The following OTUD7A variants were observed in gnomAD, a reference collection of about 807,000 sequenced individuals.
OTUD7A encodes the protein OTU deubiquitinase 7A.
OTUD7A carries 12 observed loss-of-function variants against 65.7 expected under a neutral mutation model. The observed-to-expected ratio is 0.18, with a 90% CI of 0.12 to 0.30. The LOEUF (loss-of-function observed/expected upper bound fraction) is 0.30. Among genes scored for constraint, OTUD7A ranks in the 10% least tolerant of loss-of-function variants. The pLI is 1.00. For synonymous variants in OTUD7A, 641 were observed against 586.3 expected (o/e 1.09, Z -1.35); for missense variants, 1,148 against 1,304.8 (o/e 0.88, Z 1.85).
intron 1 of OTUD7A, among the ~76,000 whole-genome samples, chr15:31,772,621 T>C (rs1046516700): frequency 3.9e-5 from 6 of 152,214 alleles, no homozygotes; most frequent in African/African-American, 7.2e-5. Flanking sequence ...AGCCATACAC[T>C]AGGACATTTG....
In OTUD7A at chr15:31,484,430, C is replaced by A. The variant is rs139698222; in HGVS notation, c.1666G>T (p.Ala556Ser). 1.2e-6 allele frequency: 2 copies of A among 1,602,910 alleles called. No individual in the cohort carries two copies. Among genetic ancestry groups the A allele is most frequent in the African/African-American group, 2.7e-5 (2 of 75,028 alleles). Residue 556 changes from alanine to serine, a missense_variant, in exon 13 of 13, where the codon GCC (alanine) becomes TCC (serine). By Grantham distance (99) the Ala-to-Ser change is moderately conservative. This residue lies in a region of OTUD7A where 842 missense variants were observed against 769.5 expected (regional missense o/e 1.09). Coordinates refer to ENST00000307050, the MANE Select transcript of OTUD7A (RefSeq NM_001382637.1). This position sits in a 1 kb window ranked among gnomAD's most constrained non-coding sequence, Gnocchi z 4.5. ...VHGKMGRANS[A>S]NGKNGDSAER... The stretch of plus-strand genomic sequence containing the variant: ...GCCGAGTCCCCGTTCTTGCCATTGG[C>A]GGAGTTGGCGCGGCCCATCTTGCCG...
chr15:31,593,844 C>T (rs1889826269), intron 3 of OTUD7A, among the ~76,000 whole-genome samples: 1 of 152,184 alleles, frequency 6.6e-6, no homozygotes, highest in Admixed American at 6.5e-5. Context: ...TGCCATTCCC[C>T]CGATGTGTAA....
chr15:31,530,602 A>C, intron 6 of OTUD7A, 105 bp downstream of exon 6: 1 of 1,033,274 alleles, frequency 9.7e-7, no homozygotes, highest in Non-Finnish European at 1.4e-6. Context: ...GGGTGACTCT[A>C]TTTAGTGTAT....
intron 1 of OTUD7A, among the ~76,000 whole-genome samples, chr15:31,845,048 T>C (rs1897266281): frequency 6.6e-6 from 1 of 152,194 alleles, no homozygotes; most frequent in African/African-American, 2.4e-5. Flanking sequence ...TCACAGTCGA[T>C]AGGAGGCACC....
intron 1 of OTUD7A, among the ~76,000 whole-genome samples, chr15:31,697,509 T>A (rs1480267790): frequency 2.8e-5 from 4 of 142,020 alleles, no homozygotes; most frequent in African/African-American, 1.0e-4. Context: ...ATCTGTGGTT[T>A]TAGGCTCAGG....
chr15:31,627,254 C>A (rs1890989337), intron 3 of OTUD7A, among the ~76,000 whole-genome samples: 1 of 121,600 alleles, frequency 8.2e-6, no homozygotes, highest in Non-Finnish European at 1.7e-5. Context: ...CCCCACCCCA[C>A]AACAGTCCCC....
At chr15:31,760,758 C>T (rs539244942) in intron 1 of OTUD7A, among the ~76,000 whole-genome samples, 93 of 152,028 alleles carry the variant, frequency 6.1e-4, no homozygotes, top group African/African-American at 2.2e-3. Flanking sequence ...AGGATAATCT[C>T]GAAAAACAAA....
chr15:31,776,984 A>G (rs1190354843), intron 1 of OTUD7A, among the ~76,000 whole-genome samples: 1 of 152,194 alleles, frequency 6.6e-6, no homozygotes, highest in African/African-American at 2.4e-5. Context: ...TAACTCTAAA[A>G]AAAAAAAATG....
chr15:31,768,816 T>C (rs1166078602), intron 1 of OTUD7A, among the ~76,000 whole-genome samples: 1 of 152,152 alleles, frequency 6.6e-6, no homozygotes, highest in Non-Finnish European at 1.5e-5. Flanking sequence ...CTACACAGAC[T>C]GTGAAAAAAT....
intron 4 of OTUD7A, among the ~76,000 whole-genome samples, chr15:31,568,017 T>C (rs1595617265): frequency 6.6e-6 from 1 of 152,242 alleles, no homozygotes; most frequent in East Asian, 1.9e-4. Flanking sequence ...ACACACAACG[T>C]CTACTAGGGC....
At chr15:31,600,685 G>A (rs1890046713) in intron 3 of OTUD7A, among the ~76,000 whole-genome samples, 1 of 152,102 alleles carries the variant, frequency 6.6e-6, no homozygotes, top group Non-Finnish European at 1.5e-5. Context: ...AAAGAGTCAA[G>A]ACCCATCAGT....
chr15:31,795,785 G>C (rs1477068532), intron 1 of OTUD7A, among the ~76,000 whole-genome samples: 1 of 152,224 alleles, frequency 6.6e-6, no homozygotes, highest in Non-Finnish European at 1.5e-5. Context: ...CTGGAAGCAT[G>C]CTTGGGCCTT....
At chr15:31,729,354 GTAA>G (rs1357213474) in intron 1 of OTUD7A, among the ~76,000 whole-genome samples, 2 of 152,330 alleles carry the variant, frequency 1.3e-5, no homozygotes, top group Non-Finnish European at 2.9e-5. Flanking sequence ...GTCCTGGTCT[GTAA>G]TAATAACTCT....
intron 3 of OTUD7A, among the ~76,000 whole-genome samples, chr15:31,638,942 G>A (rs1413331499): frequency 3.9e-5 from 6 of 152,046 alleles, no homozygotes; most frequent in Non-Finnish European, 7.4e-5. Context: ...AGACCATCCC[G>A]GCTAACACGG....
At chr15:31,568,557 G>A (rs1888948798) in intron 4 of OTUD7A, among the ~76,000 whole-genome samples, 3 of 152,250 alleles carry the variant, frequency 2.0e-5, no homozygotes, top group Admixed American at 2.0e-4. Flanking sequence ...GGGAAGGCAT[G>A]ATTGTATTTT....
In OTUD7A at chr15:31,484,186, T is replaced by A. The variant is rs2041194323; in HGVS notation, c.1910A>T (p.Gln637Leu). ...GGCGAAGATGAACTTGCGCTCCCCC[T>A]GCATGGCGGCGCGCAGGATGTTGAG... The part of the protein sequence containing the change: ...LSLNILRAAM[Q>L]GERKFIFAGL... Residue 637 changes from glutamine (Q) to leucine (L), a missense_variant, in exon 13 of 13, where the codon CAG becomes CTG. Physicochemically the swap from Gln to Leu is moderately radical, Grantham distance 113. Around this residue, in one of 6 missense-constraint regions of OTUD7A, gnomAD observed 842 missense variants for 769.5 expected, o/e 1.09. Coordinates refer to ENST00000307050, the MANE Select transcript of OTUD7A (RefSeq NM_001382637.1). The surrounding 1 kb of genome is among the most constrained non-coding windows in gnomAD (Gnocchi z 4.5). 2 of 1,609,982 alleles carry A rather than the reference T, an allele frequency of 1.2e-6. No individual in the cohort carries two copies. The highest frequency in any genetic ancestry group is 8.5e-7 in the Non-Finnish European group (1 of 1,179,310).
At chr15:31,826,185 T>C (rs963520709) in intron 1 of OTUD7A, among the ~76,000 whole-genome samples, 2 of 152,266 alleles carry the variant, frequency 1.3e-5, no homozygotes, top group Non-Finnish European at 2.9e-5. Flanking sequence ...CCCTATGCAC[T>C]GCCCTAGCAG....
At chr15:31,756,905 TG>T (rs1894832067) in intron 1 of OTUD7A, among the ~76,000 whole-genome samples, 1 of 152,148 alleles carries the variant, frequency 6.6e-6, no homozygotes, top group Admixed American at 6.5e-5. Context: ...GATTGTATAC[TG>T]GGTATGTGGG....
chr15:31,756,913 T>G (rs1243246748), intron 1 of OTUD7A, among the ~76,000 whole-genome samples: 2 of 152,114 alleles, frequency 1.3e-5, no homozygotes, highest in Non-Finnish European at 2.9e-5. Context: ...ACTGGGTATG[T>G]GGGGGCCACC....
Sources: gnomAD v4.1 joint callset for allele counts (sites outside exome capture counted in the v4.1 genomes callset) on GRCh38, gnomAD v4.1.1 for gene constraint, gnomAD v4.1.1 regional missense constraint, Gnocchi (gnomAD v3.1) non-coding constraint, MANE v1.5 for transcripts, NCBI Gene and HGNC (gene_info 2026-07-23, HGNC 2026-07-21) for gene names.